Variants in ADAMTSL1 observed in about 807,000 individuals in gnomAD.
The protein encoded by ADAMTSL1 is ADAMTS like 1, also known as ADAMTS-like protein 1.
In ADAMTSL1, 126 loss-of-function variants were observed where a neutral mutation model predicts 201.8. The ratio of observed to expected loss-of-function variants is 0.62; its 90% CI spans 0.54 to 0.72. The LOEUF is 0.72. Ranked by LOEUF, ADAMTSL1 falls within the 30% of genes least tolerant of loss-of-function variation. The pLI is 0.00. For synonymous variants in ADAMTSL1, 1,121 were observed against 903.4 expected (o/e 1.24, Z -4.32); for missense variants, 2,679 against 2,277.8 (o/e 1.18, Z -3.59).
intron 2 of ADAMTSL1, among the ~76,000 whole-genome samples, chr9:18,282,504 C>T (rs1349310847): frequency 6.6e-6 from 1 of 152,146 alleles, no homozygotes; most frequent in Non-Finnish European, 1.5e-5. Flanking sequence ...TTAAATTCTG[C>T]TGTGGTTAAA....
chr9:18,323,226 G>A (rs1834695888), intron 2 of ADAMTSL1, among the ~76,000 whole-genome samples: 1 of 152,148 alleles, frequency 6.6e-6, no homozygotes, highest in African/African-American at 2.4e-5. Context: ...TGTAAGGTTG[G>A]CTTGACATTT....
intron 2 of ADAMTSL1, among the ~76,000 whole-genome samples, chr9:18,505,232 T>C (rs1298848356): frequency 1.3e-5 from 2 of 152,258 alleles, no homozygotes; most frequent in Non-Finnish European, 2.9e-5. Context: ...TCTGTTTTCA[T>C]GTTAGGACTG....
At chr9:18,171,232 A>G (rs929587677) in intron 2 of ADAMTSL1, among the ~76,000 whole-genome samples, 9 of 152,074 alleles carry the variant, frequency 5.9e-5, no homozygotes, top group Admixed American at 3.9e-4. Context: ...AACTTGGTAT[A>G]TCACAGATGT....
chr9:18,341,547 C>T (rs1315328259), intron 2 of ADAMTSL1, among the ~76,000 whole-genome samples: 1 of 152,146 alleles, frequency 6.6e-6, no homozygotes, highest in Admixed American at 6.6e-5. Flanking sequence ...GCCCTTTTGA[C>T]TTCCTATATG....
intron 2 of ADAMTSL1, among the ~76,000 whole-genome samples, chr9:18,396,136 G>A (rs1817744147): frequency 6.6e-6 from 1 of 152,176 alleles, no homozygotes; most frequent in African/African-American, 2.4e-5. Flanking sequence ...CAACCTTAGA[G>A]CACTCTGGTC....
chr9:18,173,879 G>A (rs1038810166), intron 2 of ADAMTSL1, among the ~76,000 whole-genome samples: 2 of 152,002 alleles, frequency 1.3e-5, no homozygotes, highest in African/African-American at 2.4e-5. Flanking sequence ...GTGAAATTTC[G>A]GTTTTACAGA....
In ADAMTSL1 at chr9:18,854,017, A is replaced by G. The variant is rs1402173101; in HGVS notation, c.4249+24040A>G. On this transcript the variant is annotated intron_variant, in intron 23 of 28. Transcript: ENST00000380548. The stretch of plus-strand genomic sequence containing the variant: ...CACTGTTGGAGGTGGGGGGGTTGTA[A>G]TCTTTCACCTTTTCATGTGCCACAT... Among the ~76,000 whole-genome samples the G allele has an allele frequency of 5.3e-5, 8 of 152,068 alleles. No individual in the cohort carries two copies. In the East Asian group the frequency reaches 5.8e-4, roughly 11 times the overall value.
chr9:18,708,899 T>C (rs1044376515), intron 14 of ADAMTSL1, among the ~76,000 whole-genome samples: 2 of 152,228 alleles, frequency 1.3e-5, no homozygotes, highest in Non-Finnish European at 2.9e-5. Flanking sequence ...GGTATAAAAT[T>C]TGAAGTGTCG....
At chr9:17,916,838 G>T (rs555184247) in intron 1 of ADAMTSL1, among the ~76,000 whole-genome samples, 9 of 152,250 alleles carry the variant, frequency 5.9e-5, no homozygotes, top group African/African-American at 2.2e-4. Flanking sequence ...ATTTGATTAG[G>T]AGTGTTTTAA....
chr9:18,807,998 C>T (rs986259040), intron 20 of ADAMTSL1, among the ~76,000 whole-genome samples: 1 of 152,042 alleles, frequency 6.6e-6, no homozygotes, highest in African/African-American at 2.4e-5. Context: ...AGGTGATCAA[C>T]CAGGTGATCT....
intron 20 of ADAMTSL1, among the ~76,000 whole-genome samples, chr9:18,798,705 C>G (rs2131067014): frequency 6.6e-6 from 1 of 152,310 alleles, no homozygotes; most frequent in South Asian, 2.1e-4. Context: ...ACGTGGGCAA[C>G]AGAGAGAGAC....
intron 4 of ADAMTSL1, among the ~76,000 whole-genome samples, chr9:18,609,446 T>A (rs1825242833): frequency 6.6e-6 from 1 of 150,814 alleles, no homozygotes; most frequent in African/African-American, 2.4e-5. Flanking sequence ...AAAAAAAAAA[T>A]TATCCAATGG....
At chr9:18,567,357 T>G (rs1305784991) in intron 3 of ADAMTSL1, among the ~76,000 whole-genome samples, 2 of 151,924 alleles carry the variant, frequency 1.3e-5, no homozygotes, top group African/African-American at 4.8e-5. Flanking sequence ...TCCCAGTTAT[T>G]TAGGAGGCTG....
At chr9:18,280,401 T>C (rs1832739329) in intron 2 of ADAMTSL1, among the ~76,000 whole-genome samples, 1 of 128,440 alleles carries the variant, frequency 7.8e-6, no homozygotes, top group Non-Finnish European at 1.8e-5. Flanking sequence ...CTTGTTTATC[T>C]CTCAAAAAAA....
chr9:18,267,251 C>A (rs1003190997), intron 2 of ADAMTSL1, among the ~76,000 whole-genome samples: 1 of 152,098 alleles, frequency 6.6e-6, no homozygotes, highest in African/African-American at 2.4e-5. Flanking sequence ...GCAATATAGT[C>A]AGTCATGCAA....
At chr9:18,470,727 A>C (rs181809010), upstream of ADAMTSL1, among the ~76,000 whole-genome samples, 10 of 152,220 alleles carry the variant, frequency 6.6e-5, no homozygotes, top group African/African-American at 2.4e-4. Flanking sequence ...CTTTCCTCCC[A>C]TAAAGCACAC....
chr9:18,525,251 G>A (rs1249030232), intron 2 of ADAMTSL1, among the ~76,000 whole-genome samples: 1 of 152,182 alleles, frequency 6.6e-6, no homozygotes, highest in African/African-American at 2.4e-5. Flanking sequence ...AGTATTCTCT[G>A]ATGGTAGTTT....
chr9:18,716,325 CGCAACCTACTCATCTGACAAAGG>C (rs1285559659), intron 14 of ADAMTSL1, among the ~76,000 whole-genome samples: 2 of 151,262 alleles, frequency 1.3e-5, no homozygotes, highest in African/African-American at 4.8e-5. Context: ...AGAAAATTTT[CGCAACCTACTCATCTGACAAAGG>C]GCTAATATCC....
chr9:17,944,206 C>A (rs891074507), intron 1 of ADAMTSL1, among the ~76,000 whole-genome samples: 1 of 152,076 alleles, frequency 6.6e-6, no homozygotes, highest in Admixed American at 6.6e-5. Context: ...AGTGAACTCC[C>A]GTTCACAATT....
Sources: gnomAD v4.1 joint callset for allele counts (sites outside exome capture counted in the v4.1 genomes callset) on GRCh38, gnomAD v4.1.1 for gene constraint, MANE v1.5 for transcripts, NCBI Gene and HGNC (gene_info 2026-07-23, HGNC 2026-07-21) for gene names.